The following LRRC37A2 variants were observed in gnomAD, a reference collection of about 807,000 sequenced individuals.
LRRC37A2 encodes leucine rich repeat containing 37 member A2.
Under a neutral mutation model 68.8 loss-of-function variants are expected in LRRC37A2, and 9 were observed. The observed-to-expected ratio is 0.13, with a 90% CI of 0.08 to 0.23. The LOEUF (loss-of-function observed/expected upper bound fraction) is 0.23. Ranked by LOEUF, LRRC37A2 falls within the 10% of genes least tolerant of loss-of-function variation. The pLI, the probability that LRRC37A2 is intolerant of heterozygous loss-of-function variation, is 1.00. For missense variants in LRRC37A2, 168 were observed against 950.4 expected (o/e 0.18, Z 10.82); for synonymous variants, 63 against 367.6 (o/e 0.17, Z 9.48).
At chr17:46,746,530 AAGATCTGTGTAT>A in the LRRC37A2 span, among the ~76,000 whole-genome samples, 10 of 152,252 alleles carry the variant, frequency 6.6e-5, no homozygotes, top group Middle Eastern at 3.4e-3. Flanking sequence ...CTGAATTTCC[AAGATCTGTGTAT>A]AGGTTCAATG....
At chr17:46,502,373 C>T in the LRRC37A2 span, among the ~76,000 whole-genome samples, 53 of 151,248 alleles carry the variant, frequency 3.5e-4, no homozygotes, top group East Asian at 9.5e-3. Context: ...TGCAATGGCC[C>T]GGTCTCTGCT....
chr17:46,994,439 G>C, the LRRC37A2 span, among the ~76,000 whole-genome samples: 1 of 151,978 alleles, frequency 6.6e-6, no homozygotes, highest in Non-Finnish European at 1.5e-5. Flanking sequence ...GGGGAGGGTG[G>C]GAAGAGGACA....
chr17:46,612,268 T>C, the LRRC37A2 span, among the ~76,000 whole-genome samples: 1 of 81,948 alleles, frequency 1.2e-5, no homozygotes, highest in Non-Finnish European at 2.3e-5. Context: ...AGTAGAGAAA[T>C]TGGAGCCCTC....
At chr17:46,967,288 T>C in the LRRC37A2 span, among the ~76,000 whole-genome samples, 1 of 152,182 alleles carries the variant, frequency 6.6e-6, no homozygotes, top group African/African-American at 2.4e-5. Flanking sequence ...CTCAAACAAG[T>C]CTCTTACCCT....
At chr17:47,019,396 T>C in the LRRC37A2 span, 1 of 1,610,848 alleles carries the variant, frequency 6.2e-7, no homozygotes, top group African/African-American at 1.4e-5. Flanking sequence ...ACTACAGAGG[T>C]TAAACCATCT....
At chr17:46,673,909 GGGTGTGTGTGTGT>G in the LRRC37A2 span, among the ~76,000 whole-genome samples, 1 of 9,288 alleles carries the variant, frequency 1.1e-4, no homozygotes, top group Non-Finnish European at 4.8e-4. Flanking sequence ...TATTCCATGG[GGGTGTGTGTGTGT>G]GTGTGTGTGT....
the LRRC37A2 span, among the ~76,000 whole-genome samples, chr17:46,382,105 C>T: frequency 6.9e-6 from 1 of 145,048 alleles, no homozygotes; most frequent in Non-Finnish European, 1.5e-5. Flanking sequence ...ATGGAGAAAC[C>T]CCGTCTCTAC....
the LRRC37A2 span, among the ~76,000 whole-genome samples, chr17:46,845,306 G>C: frequency 6.6e-6 from 1 of 151,980 alleles, no homozygotes. Flanking sequence ...CGTGCCACCT[G>C]CCCAGCCATC....
At chr17:46,950,513 C>T in the LRRC37A2 span, among the ~76,000 whole-genome samples, 2 of 152,202 alleles carry the variant, frequency 1.3e-5, no homozygotes, top group Non-Finnish European at 2.9e-5. Context: ...ATTAAAATAG[C>T]ACCTATTGGA....
At chr17:46,785,482 G>T in the LRRC37A2 span, among the ~76,000 whole-genome samples, 1 of 152,192 alleles carries the variant, frequency 6.6e-6, no homozygotes, top group Non-Finnish European at 1.5e-5. Flanking sequence ...CTTCCCCTCC[G>T]ACAGGAGCCC....
the LRRC37A2 span, among the ~76,000 whole-genome samples, chr17:46,889,982 G>T: frequency 6.6e-5 from 10 of 152,284 alleles, no homozygotes; most frequent in African/African-American, 2.4e-4. Flanking sequence ...CTCTAAACAA[G>T]CATTCTCTGC....
At chr17:46,890,091 T>G in the LRRC37A2 span, among the ~76,000 whole-genome samples, 2 of 152,244 alleles carry the variant, frequency 1.3e-5, no homozygotes, top group East Asian at 3.8e-4. Flanking sequence ...TGCCTCATTC[T>G]TGGGTCTGCT....
chr17:46,902,941 G>A, the LRRC37A2 span, among the ~76,000 whole-genome samples: 1 of 152,184 alleles, frequency 6.6e-6, no homozygotes, highest in Non-Finnish European at 1.5e-5. Flanking sequence ...GACAGTTGAA[G>A]GGAAGTTCTG....
the LRRC37A2 span, among the ~76,000 whole-genome samples, chr17:46,661,378 T>TTTATTATTATTA: frequency 7.6e-3 from 813 of 106,390 alleles, 11 homozygotes; most frequent in African/African-American, 0.028. Flanking sequence ...TACATTTCTT[T>TTTATTATTATTA]TTATTATTAT....
chr17:46,518,890 GC>G, intron 3 of LRRC37A2, among the ~76,000 whole-genome samples: 1 of 80,338 alleles, frequency 1.2e-5, no homozygotes, highest in East Asian at 2.4e-4. Context: ...ATATAGACAA[GC>G]CACGATGAGT....
the LRRC37A2 span, among the ~76,000 whole-genome samples, chr17:46,688,253 G>A: frequency 6.6e-6 from 1 of 151,090 alleles, no homozygotes; most frequent in Admixed American, 6.6e-5. Context: ...GCTCACGCCT[G>A]TAATCCTAGC....
At chr17:46,830,849 C>A in the LRRC37A2 span, 2 of 398,110 alleles carry the variant, frequency 5.0e-6, no homozygotes, top group South Asian at 2.6e-4. Context: ...TTCTGAGTAT[C>A]CTCAAAGAAA....
the LRRC37A2 span, among the ~76,000 whole-genome samples, chr17:46,972,234 G>A: frequency 1.3e-5 from 2 of 152,126 alleles, no homozygotes; most frequent in African/African-American, 2.4e-5. Context: ...CCCGCCACCC[G>A]CTTCTTCCTC....
At chr17:46,883,440 C>T in the LRRC37A2 span, among the ~76,000 whole-genome samples, 7 of 151,824 alleles carry the variant, frequency 4.6e-5, no homozygotes, top group South Asian at 2.1e-4. Context: ...GCCTACCCCA[C>T]GCCCGGCCTT....
Sources: gnomAD v4.1 joint callset for allele counts (sites outside exome capture counted in the v4.1 genomes callset) on GRCh38, gnomAD v4.1.1 for gene constraint, MANE v1.5 for transcripts, NCBI Gene and HGNC (gene_info 2026-07-23, HGNC 2026-07-21) for gene names.